HMCN1: variants seen among roughly 807,000 people sequenced by gnomAD.
The protein encoded by HMCN1 is hemicentin 1.
A neutral mutation model predicts 625.9 loss-of-function variants in HMCN1; 321 were observed. That is an observed-to-expected ratio of 0.51 (90% CI 0.47 to 0.56). The LOEUF (loss-of-function observed/expected upper bound fraction) is 0.56. Among genes scored for constraint, HMCN1 ranks in the 20% least tolerant of loss-of-function variants. The probability of loss-of-function intolerance (pLI) is 0.00; values close to 1 mark genes in which losing one functional copy is unlikely to be tolerated. For synonymous variants in HMCN1, 2,425 were observed against 2,417.6 expected (o/e 1.00, Z -0.09); for missense variants, 6,588 against 6,887.3 (o/e 0.96, Z 1.54).
chr1:185,921,863 C>G (rs961969578), intron 6 of HMCN1, among the ~76,000 whole-genome samples: 3 of 152,120 alleles, frequency 2.0e-5, no homozygotes, highest in African/African-American at 7.2e-5. Context: ...ATGCTGAGTG[C>G]CTTTGCTAGA....
In HMCN1 at chr1:186,151,230, T is replaced by C. The variant is rs77460954; in HGVS notation, c.14639T>C (p.Ile4880Thr). ...GGPQRARGSV[I>T]GNINDVEFGI... ...CCCCAGCGAGCCAGAGGAAGTGTTA[T>C]TGGAAATATTAATGATGTTGAATTT... is the stretch of plus-strand genomic sequence containing the variant. Residue 4880 changes from isoleucine to threonine, a missense_variant, in exon 94 of 107, where the codon ATT becomes ACT. By Grantham distance (89) the Ile-to-Thr change is moderately conservative (BLOSUM62 -1). This residue lies in a region of HMCN1 where 1,954 missense variants were observed against 2,013.1 expected (regional missense o/e 0.97). Coordinates refer to ENST00000271588, the MANE Select transcript of HMCN1 (RefSeq NM_031935.3). The C allele has an allele frequency of 6.8e-6, 11 of 1,613,862 alleles. No homozygotes were observed. In the East Asian group the frequency reaches 8.9e-5, roughly 13 times the overall value.
intron 1 of HMCN1, among the ~76,000 whole-genome samples, chr1:185,838,375 TGTG>T (rs965632842): frequency 6.6e-6 from 1 of 152,176 alleles, no homozygotes; most frequent in African/African-American, 2.4e-5. Flanking sequence ...ACTAGTGTGT[TGTG>T]GTGCTGCCAG....
rs41317471 is a variant in HMCN1 at position 186,007,238 on chromosome 1, A to G, written c.4586A>G (p.Asn1529Ser). Residue 1529 changes from asparagine (N) to serine (S), a missense_variant, in exon 30 of 107, where the codon AAT (asparagine) becomes AGT (serine). By Grantham distance (46) the Asn-to-Ser change is conservative (BLOSUM62 1). Around this residue, in one of 3 missense-constraint regions of HMCN1, gnomAD observed 4,628 missense variants for 4,853.1 expected, o/e 0.95. Coordinates refer to ENST00000271588, the MANE Select transcript of HMCN1 (RefSeq NM_031935.3). ...GGGCGCTACCAATGTACTGTGTCTA[A>G]TGCAGCTGGCAAACAAGCCAAGGAT... ...DKGRYQCTVS[N>S]AAGKQAKDIK... The G allele has an allele frequency of 7.3e-3, 11,736 of 1,613,750 alleles. 53 individuals are homozygous for G. Among genetic ancestry groups the G allele is most frequent in the Non-Finnish European group, 8.5e-3 (10,029 of 1,179,712 alleles).
At chr1:185,843,404 G>C (rs1661612702) in intron 1 of HMCN1, among the ~76,000 whole-genome samples, 1 of 152,162 alleles carries the variant, frequency 6.6e-6, no homozygotes, top group Non-Finnish European at 1.5e-5. Context: ...GTGAGCGCCT[G>C]GATTACCTTT....
intron 45 of HMCN1, among the ~76,000 whole-genome samples, chr1:186,056,565 C>G (rs111896604): frequency 9.7e-4 from 147 of 152,060 alleles, no homozygotes; most frequent in African/African-American, 3.4e-3. Context: ...CCATGGAATA[C>G]TACACAGCCA....
chr1:186,168,939 CCT>C, intron 100 of HMCN1, among the ~76,000 whole-genome samples: 1 of 152,190 alleles, frequency 6.6e-6, no homozygotes, highest in East Asian at 1.9e-4. Context: ...CTCAACAGGC[CCT>C]GGTGCCTGAT....
intron 52 of HMCN1, among the ~76,000 whole-genome samples, chr1:186,071,865 T>C (rs1658500052): frequency 6.6e-6 from 1 of 152,220 alleles, no homozygotes; most frequent in African/African-American, 2.4e-5. Context: ...CCCTTTCTCC[T>C]TTGAAATATT....
intron 48 of HMCN1, among the ~76,000 whole-genome samples, chr1:186,063,077 T>TATATATATATATATAA (rs1558188083): frequency 2.1e-5 from 2 of 94,016 alleles, no homozygotes; most frequent in African/African-American, 8.7e-5. Context: ...CATATATATA[T>TATATATATATATATAA]ATATATATAT....
In HMCN1 at chr1:186,094,324, C is replaced by T. The variant is rs1327091172; in HGVS notation, c.10245C>T (p.Ala3415=). Residue 3415 remains alanine (A), a synonymous_variant, in exon 67 of 107, where the codon GCC becomes GCT. Coordinates refer to ENST00000271588, the MANE Select transcript of HMCN1 (RefSeq NM_031935.3). Reference sequence around the variant, plus strand: ...ATGTCGCTGTGTATACTTGTGTGGCCTCCAACAGAGCTGGGGTGGATAATA... The same window carrying T: ...ATGTCGCTGTGTATACTTGTGTGGCTTCCAACAGAGCTGGGGTGGATAATA... The part of the protein sequence containing the change: ...VSDVAVYTCV[A]SNRAGVDNKH... 6.2e-7 allele frequency: 1 copy of T among 1,613,342 alleles called. No individual in the cohort carries two copies. Among genetic ancestry groups the T allele is most frequent in the Non-Finnish European group, 8.5e-7 (1 of 1,179,588 alleles).
rs185458533 is a variant in HMCN1 at position 185,850,887 on chromosome 1, A to G, written c.339+4791A>G. On this transcript the variant is annotated intron_variant, in intron 2 of 106. Transcript: ENST00000271588. ...TTACTTTTTCCCTTCATTCAACATT[A>G]AGCATTGTTACAGGCATTGGGAATA... Among the ~76,000 whole-genome samples the G allele has an allele frequency of 7.6e-4, 115 of 152,232 alleles. 1 individual carries two copies. The highest frequency in any genetic ancestry group is 4.1e-4 in the South Asian group (2 of 4,822).
chr1:186,056,303 A>C (rs1657314901), intron 45 of HMCN1, among the ~76,000 whole-genome samples: 1 of 152,016 alleles, frequency 6.6e-6, no homozygotes, highest in African/African-American at 2.4e-5. Flanking sequence ...GTGTGTGCCA[A>C]AGCTATAGGA....
chr1:185,919,462 A>G (rs1035044420), intron 6 of HMCN1, among the ~76,000 whole-genome samples: 1 of 152,160 alleles, frequency 6.6e-6, no homozygotes, highest in African/African-American at 2.4e-5. Flanking sequence ...TGAATTTGGT[A>G]GATTTACTCG....
intron 4 of HMCN1, among the ~76,000 whole-genome samples, chr1:185,882,600 A>G (rs1164242533): frequency 1.3e-5 from 2 of 152,110 alleles, no homozygotes; most frequent in Non-Finnish European, 2.9e-5. Context: ...TAAAGCTGTA[A>G]GCCTGGAAGT....
At chr1:185,962,121 G>A (rs1342304452) in intron 11 of HMCN1, among the ~76,000 whole-genome samples, 1 of 152,126 alleles carries the variant, frequency 6.6e-6, no homozygotes, top group Non-Finnish European at 1.5e-5. Flanking sequence ...GCATAGTCAG[G>A]ACAAGTTGTG....
At chr1:185,757,501 A>G (rs1655209277) in intron 1 of HMCN1, among the ~76,000 whole-genome samples, 4 of 152,134 alleles carry the variant, frequency 2.6e-5, no homozygotes, top group Admixed American at 2.6e-4. Context: ...CTTGAACTTC[A>G]AAGAGATATT....
intron 16 of HMCN1, among the ~76,000 whole-genome samples, chr1:185,980,710 A>G (rs1287595626): frequency 6.6e-6 from 1 of 152,180 alleles, no homozygotes; most frequent in Non-Finnish European, 1.5e-5. Context: ...CCCGTCCTCT[A>G]TTCTACTCAC....
intron 105 of HMCN1, 88 bp from the exon 106 acceptor site, chr1:186,187,795 C>T: frequency 1.3e-6 from 2 of 1,550,600 alleles, no homozygotes; most frequent in Non-Finnish European, 8.9e-7. Flanking sequence ...TAGCCCTCCA[C>T]ATTCTAGTCA....
Position 185,838,580 on chromosome 1 carries a change from T to C in HMCN1, c.269-7446T>C, listed in dbSNP as rs1295382702. On this transcript the variant is annotated intron_variant, in intron 1 of 106. Coordinates refer to ENST00000271588, the MANE Select transcript of HMCN1 (RefSeq NM_031935.3). The stretch of plus-strand genomic sequence containing the variant: ...CAGGTAGCAGAGAATCTTGTGGTGG[T>C]GGGAGGTGGGAACATGCATGAGCCA... Among the ~76,000 whole-genome samples, 3 of 152,148 alleles carry C rather than the reference T, an allele frequency of 2.0e-5. No individual in the cohort carries two copies. In the South Asian group the frequency reaches 6.2e-4, roughly 32 times the overall value.
intron 1 of HMCN1, among the ~76,000 whole-genome samples, chr1:185,803,553 C>T (rs1233764229): frequency 6.6e-6 from 1 of 151,982 alleles, no homozygotes; most frequent in Non-Finnish European, 1.5e-5. Flanking sequence ...AAAAGTAAGT[C>T]TCTAACAAAA....
Sources: gnomAD v4.1 joint callset for allele counts (sites outside exome capture counted in the v4.1 genomes callset) on GRCh38, gnomAD v4.1.1 for gene constraint, gnomAD v4.1.1 regional missense constraint, MANE v1.5 for transcripts, NCBI Gene and HGNC (gene_info 2026-07-23, HGNC 2026-07-21) for gene names.